SFT2D1: variants seen among roughly 807,000 people sequenced by gnomAD.
SFT2D1 encodes the protein SFT2 domain containing 1.
A neutral mutation model predicts 28.1 loss-of-function variants in SFT2D1; 24 were observed. The observed-to-expected ratio is 0.85, with a 90% CI of 0.62 to 1.20. SFT2D1 has a LOEUF of 1.20. Ranked by LOEUF, SFT2D1 falls within the 50% of genes most tolerant of loss-of-function variation. The pLI is 0.00. For synonymous variants in SFT2D1, 82 were observed against 73.7 expected, an observed-to-expected ratio of 1.11 and a Z score of -0.58; for missense variants, 181 against 190.9, an observed-to-expected ratio of 0.95 and a Z score of 0.31.
In SFT2D1 at chr6:166,330,285, A is replaced by C. The variant is rs565025799; in HGVS notation, c.64-38T>G. 3.3e-5 allele frequency: 44 copies of C among 1,322,674 alleles called. No homozygotes were observed. In the African/African-American group the frequency reaches 6.1e-4, roughly 18 times the overall value. 81.9% of individuals were successfully genotyped at this position (1,322,674 alleles called of 1,614,324 possible). A position where few individuals can be genotyped will look rare whatever the true frequency, so the allele number is the denominator to read the frequency against. ...TGGGAAAATTTAGAATATAGTCTTA[A>C]TTCACTACCAATCTGATTCTTTATA... On this transcript the variant is annotated intron_variant, in intron 1 of 7. Coordinates refer to ENST00000361731, the MANE Select transcript of SFT2D1 (RefSeq NM_145169.3).
At chr6:166,329,672 A>G (rs12214812) in intron 2 of SFT2D1, 83 bp from the exon 3 acceptor site, 239,874 of 1,047,992 alleles carry the variant, frequency 0.23, 28,773 homozygotes, top group East Asian at 0.37. Context: ...CAGTAATACA[A>G]TACCAATATT....
chr6:166,320,236 C>T lies in SFT2D1; in HGVS notation c.461G>A (p.Cys154Tyr), dbSNP rs1223752762. 3.1e-6 allele frequency: 5 copies of T among 1,611,630 alleles called. No homozygotes were observed. Among genetic ancestry groups the T allele is most frequent in the Admixed American group, 1.7e-5 (1 of 59,520 alleles). ...PYARDAVIKC[C>Y]SSLLS ...TGATTTTCAACTTAGGAGAGAAGAA[C>T]AGCATTTAATAACTGCATCCCTGGT... Residue 154 changes from cysteine to tyrosine, a missense_variant, in exon 8 of 8, where the codon TGT becomes TAT. Coordinates refer to ENST00000361731, the MANE Select transcript of SFT2D1 (RefSeq NM_145169.3).
At chr6:166,342,089 G>A (rs1778792471) in intron 1 of SFT2D1, among the ~76,000 whole-genome samples, 2 of 152,144 alleles carry the variant, frequency 1.3e-5, no homozygotes, top group Admixed American at 1.3e-4. Flanking sequence ...CCCGAGGCCA[G>A]ACCCCGCACC....
At chr6:166,328,078 G>A (rs143954050) in intron 4 of SFT2D1, among the ~76,000 whole-genome samples, 198 bp downstream of exon 4, 4 of 152,040 alleles carry the variant, frequency 2.6e-5, no homozygotes, top group African/African-American at 9.6e-5. Flanking sequence ...GATTACAGAC[G>A]TGAGCCACCG....
At chr6:166,329,458 T>C in intron 3 of SFT2D1, 49 bp downstream of exon 3, 1 of 1,531,756 alleles carries the variant, frequency 6.5e-7, no homozygotes, top group Non-Finnish European at 9.0e-7. Context: ...ATTAGAAAGG[T>C]AAATTTGGTA....
At chr6:166,333,318 G>A (rs1298395854) in intron 1 of SFT2D1, among the ~76,000 whole-genome samples, 2 of 152,128 alleles carry the variant, frequency 1.3e-5, no homozygotes, top group Non-Finnish European at 2.9e-5. Context: ...ACGTGTGCGT[G>A]GGCAGCCTGG....
intron 1 of SFT2D1, among the ~76,000 whole-genome samples, chr6:166,338,144 T>C (rs565120283): frequency 5.3e-5 from 8 of 152,326 alleles, no homozygotes; most frequent in Non-Finnish European, 1.2e-4. Context: ...GCAGGCTGAA[T>C]GGACTAAGAC....
In SFT2D1 at chr6:166,340,105, G is replaced by A. The variant is rs904670774; in HGVS notation, c.63+2314C>T. On this transcript the variant is annotated intron_variant, in intron 1 of 7. Coordinates refer to ENST00000361731, the MANE Select transcript of SFT2D1 (RefSeq NM_145169.3). ...CACACATCCAATCCGTCAACAGTGT[G>A]GCCTGCTGGCTGTACACTCAGACCA... is the stretch of plus-strand genomic sequence containing the variant. Among the ~76,000 whole-genome samples, 12 of 152,354 alleles carry A rather than the reference G, an allele frequency of 7.9e-5. No homozygotes were observed. In the South Asian group the frequency reaches 2.3e-3, roughly 29 times the overall value.
chr6:166,322,816 A>C, intron 7 of SFT2D1, 41 bp downstream of exon 7: 1 of 1,547,978 alleles, frequency 6.5e-7, no homozygotes, highest in Non-Finnish European at 8.9e-7. Flanking sequence ...TGTGAAGATA[A>C]GTAAAGAACC....
chr6:166,332,340 C>A (rs532244699), intron 1 of SFT2D1, among the ~76,000 whole-genome samples: 1 of 152,142 alleles, frequency 6.6e-6, no homozygotes, highest in African/African-American at 2.4e-5. Context: ...ATGCAACCTC[C>A]GCCTCCCAGG....
chr6:166,320,555 CT>C (rs34877356), intron 7 of SFT2D1, among the ~76,000 whole-genome samples: 24 of 151,174 alleles, frequency 1.6e-4, no homozygotes, highest in African/African-American at 5.6e-4. Flanking sequence ...TAACTTTTTT[CT>C]TTTTTTTTCC....
intron 7 of SFT2D1, 146 bp from the exon 8 acceptor site, chr6:166,320,402 T>C: frequency 1.6e-6 from 1 of 636,570 alleles, no homozygotes; most frequent in Non-Finnish European, 2.7e-6. Context: ...TTGTTCAGTA[T>C]CATTTAAGAT....
At chr6:166,321,262 T>A (rs376417992) in intron 7 of SFT2D1, among the ~76,000 whole-genome samples, 1 of 152,234 alleles carries the variant, frequency 6.6e-6, no homozygotes, top group Non-Finnish European at 1.5e-5. Context: ...AGCTTTTACC[T>A]AGGCCATAAA....
intron 7 of SFT2D1, among the ~76,000 whole-genome samples, chr6:166,321,446 T>C (rs528263368): frequency 5.3e-5 from 8 of 152,308 alleles, no homozygotes; most frequent in Non-Finnish European, 1.0e-4. Flanking sequence ...CCAAGAAGTA[T>C]TGGAGGTCTC....
chr6:166,330,268 T>C (rs771809236), intron 1 of SFT2D1, 21 bp from the exon 2 acceptor site: 7 of 1,516,376 alleles, frequency 4.6e-6, no homozygotes, highest in Admixed American at 4.0e-5. Flanking sequence ...AATGGGAAAA[T>C]TTAGAATATA....
Position 166,328,316 on chromosome 6 carries a change from AT to A in SFT2D1, c.274del (p.Met92CysfsTer44), listed in dbSNP as rs756370053. On this transcript the variant is annotated frameshift_variant, in exon 4 of 8. Transcript: ENST00000361731. LOFTEE classifies it high-confidence loss of function. ...LMGPVKQLKK[M>X]FEATRLLATI... ...TGCAAGCAATCTTGTTGCTTCAAAC[AT>A]TTTCTTCAGTTGCTTCACAGGTCCC... 5.6e-6 allele frequency: 9 copies of A among 1,598,082 alleles called. No homozygotes were observed. The highest frequency in any genetic ancestry group is 1.7e-6 in the Non-Finnish European group (2 of 1,173,170).
chr6:166,342,338 A>G (rs578252099), intron 1 of SFT2D1, 81 bp downstream of exon 1: 415 of 1,359,456 alleles, frequency 3.1e-4, no homozygotes, highest in Non-Finnish European at 4.0e-4. Context: ...CCTCGCACCC[A>G]CCCCACCCGC....
At position 166,335,512 on chromosome 6, in the gene SFT2D1, T is replaced by C. The variant is rs1583041487; in HGVS notation, c.64-5265A>G. The C allele has an allele frequency of 1.0e-5, 5 of 484,212 alleles. No individual in the cohort carries two copies. In the East Asian group the frequency reaches 2.5e-4, roughly 25 times the overall value. The allele number at this position is 484,212 out of a possible 1,614,324, so 30.0% of individuals were successfully genotyped here. A position where few individuals can be genotyped will look rare whatever the true frequency, so the allele number is the denominator to read the frequency against. ...TACAAAACCAAGGTGGCTACGGTGG[T>C]TCCAGTAGCAACAGTAGCCATGGCA... On this transcript the variant is annotated intron_variant, in intron 1 of 7. Coordinates refer to ENST00000361731, the MANE Select transcript of SFT2D1 (RefSeq NM_145169.3).
chr6:166,328,159 TAATAAAAAAA>T (rs1412161787), intron 4 of SFT2D1, 107 bp downstream of exon 4: 1 of 439,808 alleles, frequency 2.3e-6, no homozygotes, highest in Non-Finnish European at 3.7e-6. Context: ...TAAAGTATAA[TAATAAAAAAA>T]AATAAAAATA....
Sources: allele counts gnomAD v4.1 joint callset (sites outside exome capture counted in the v4.1 genomes callset), GRCh38; gene constraint gnomAD v4.1.1; transcripts MANE v1.5; gene names NCBI Gene and HGNC (gene_info 2026-07-23, HGNC 2026-07-21).